CHCHD6: variants seen among roughly 807,000 people sequenced by gnomAD.
The protein encoded by CHCHD6 is MICOS complex subunit MIC25.
A neutral mutation model predicts 32.3 loss-of-function variants in CHCHD6; 28 were observed. The observed-to-expected ratio is 0.87, with a 90% CI of 0.64 to 1.19. The LOEUF is 1.19. Ranked by LOEUF, CHCHD6 falls within the 50% of genes most tolerant of loss-of-function variation. The pLI is 0.00. For synonymous variants in CHCHD6, 122 were observed against 117.5 expected, an observed-to-expected ratio of 1.04 and a Z score of -0.25; for missense variants, 333 against 307.0, an observed-to-expected ratio of 1.08 and a Z score of -0.63.
At chr3:126,806,442 A>G (rs1221395020) in intron 4 of CHCHD6, among the ~76,000 whole-genome samples, 3 of 152,084 alleles carry the variant, frequency 2.0e-5, no homozygotes, top group Admixed American at 6.5e-5. Context: ...AAGACACATG[A>G]AAAAATGCTC....
At chr3:126,826,566 G>T (rs1187089852) in intron 4 of CHCHD6, among the ~76,000 whole-genome samples, 1 of 152,102 alleles carries the variant, frequency 6.6e-6, no homozygotes, top group African/African-American at 2.4e-5. Flanking sequence ...TAGGCTCTCT[G>T]TGTGTGTTAT....
chr3:126,860,653 A>G (rs1411692199), intron 5 of CHCHD6, among the ~76,000 whole-genome samples: 1 of 152,248 alleles, frequency 6.6e-6, no homozygotes, highest in East Asian at 1.9e-4. Context: ...CCAACTGGTT[A>G]GCCCATTAAC....
At chr3:126,841,752 A>AT (rs926383694) in intron 4 of CHCHD6, among the ~76,000 whole-genome samples, 14 of 149,406 alleles carry the variant, frequency 9.4e-5, no homozygotes, top group African/African-American at 1.5e-4. Context: ...AAAAAAAAAA[A>AT]TTTTTTTTTT....
At chr3:126,835,418 C>G (rs540460849) in intron 4 of CHCHD6, among the ~76,000 whole-genome samples, 2 of 152,184 alleles carry the variant, frequency 1.3e-5, no homozygotes, top group Non-Finnish European at 2.9e-5. Flanking sequence ...CACGGCTCTC[C>G]AGAGAACCTT....
chr3:126,865,538 C>T (rs941098927), intron 5 of CHCHD6: 4 of 984,176 alleles, frequency 4.1e-6, no homozygotes, highest in East Asian at 1.1e-4. Flanking sequence ...ATAACCTCCT[C>T]CTCCACGTCC....
Position 126,904,420 on chromosome 3 carries a change from C to T in CHCHD6, c.496-10260C>T, listed in dbSNP as rs115800252. On this transcript the variant is annotated intron_variant, in intron 5 of 7. Transcript: ENST00000290913. ...TGAGAAATATTTCTGGGATGATGCT[C>T]AGCACTCCCCCAAAGACTGATGGCT... 7.9e-3 allele frequency among the ~76,000 whole-genome samples: 1,205 copies of T among 152,330 alleles called. 6 individuals carry two copies. Among genetic ancestry groups the T allele is most frequent in the Non-Finnish European group, 0.012 (838 of 68,024 alleles).
intron 7 of CHCHD6, among the ~76,000 whole-genome samples, chr3:126,959,091 C>T (rs956974162): frequency 1.3e-5 from 2 of 152,234 alleles, no homozygotes; most frequent in Admixed American, 1.3e-4. Context: ...TACCCACCAC[C>T]CCTAAGAGTA....
chr3:126,727,177 C>T lies in CHCHD6; in HGVS notation c.187C>T (p.Pro63Ser), dbSNP rs774176259. ...CCTTCAAGATGGCAACTTGAGAGCC[C>T]CTCACAAAGGTATGGGGATTGTGAC... ...FGLQDGNLRAPHKESTLPRSG... is the reference protein window; with the variant it reads ...FGLQDGNLRASHKESTLPRSG... The change falls in exon 2 of 8, where the codon CCT becomes TCT. Residue 63 changes from proline to serine, a missense_variant. Transcript: ENST00000290913. The T allele has an allele frequency of 6.2e-7, 1 of 1,605,640 alleles. No individual in the cohort carries two copies. Among genetic ancestry groups the T allele is most frequent in the Non-Finnish European group, 8.5e-7 (1 of 1,172,374 alleles).
At chr3:126,914,565 G>T in intron 5 of CHCHD6, 115 bp from the exon 6 acceptor site, 1 of 725,134 alleles carries the variant, frequency 1.4e-6, no homozygotes, top group Non-Finnish European at 2.5e-6. Context: ...TTACCAGTCG[G>T]CTTTGATGCC....
At chr3:126,886,134 A>G (rs1026892164) in intron 5 of CHCHD6, among the ~76,000 whole-genome samples, 1 of 152,222 alleles carries the variant, frequency 6.6e-6, no homozygotes, top group Non-Finnish European at 1.5e-5. Context: ...TGCAAAACAC[A>G]CTTGAATTTA....
At chr3:126,919,481 CT>C (rs1346541467) in intron 6 of CHCHD6, among the ~76,000 whole-genome samples, 1 of 151,646 alleles carries the variant, frequency 6.6e-6, no homozygotes, top group Non-Finnish European at 1.5e-5. Context: ...ATTCGGCTAA[CT>C]TTTTAAATTT....
At chr3:126,875,831 G>T (rs997707633) in intron 5 of CHCHD6, among the ~76,000 whole-genome samples, 3 of 152,178 alleles carry the variant, frequency 2.0e-5, no homozygotes, top group African/African-American at 7.2e-5. Flanking sequence ...ATCACATCCT[G>T]TCACATGTTC....
chr3:126,801,719 C>G (rs1350946757), intron 4 of CHCHD6, among the ~76,000 whole-genome samples: 1 of 152,202 alleles, frequency 6.6e-6, no homozygotes, highest in Non-Finnish European at 1.5e-5. Context: ...GTGGTTCTCC[C>G]AGCACGCAGC....
chr3:126,723,622 C>G (rs1317198472), intron 1 of CHCHD6, among the ~76,000 whole-genome samples: 3 of 151,982 alleles, frequency 2.0e-5, no homozygotes. Context: ...GTGTATTCTA[C>G]CTTGTTCTTT....
At chr3:126,856,761 G>A (rs1941678856) in intron 5 of CHCHD6, among the ~76,000 whole-genome samples, 1 of 152,212 alleles carries the variant, frequency 6.6e-6, no homozygotes, top group Admixed American at 6.5e-5. Context: ...ACTTGTGGCT[G>A]GCCAAGCCCT....
intron 5 of CHCHD6, among the ~76,000 whole-genome samples, chr3:126,867,856 C>T (rs945823639): frequency 2.6e-5 from 4 of 152,200 alleles, no homozygotes; most frequent in South Asian, 2.1e-4. Context: ...GAAGCTAAAA[C>T]CTCCTCCACC....
At chr3:126,770,294 C>T (rs1937520526) in intron 4 of CHCHD6, among the ~76,000 whole-genome samples, 1 of 152,168 alleles carries the variant, frequency 6.6e-6, no homozygotes, top group Non-Finnish European at 1.5e-5. Flanking sequence ...AATTTGACTT[C>T]CTCTTTTCCT....
chr3:126,921,963 A>G (rs2078255714), intron 6 of CHCHD6, among the ~76,000 whole-genome samples: 1 of 152,226 alleles, frequency 6.6e-6, no homozygotes, highest in African/African-American at 2.4e-5. Context: ...TCCAGATAAC[A>G]TTCGTCTTAG....
chr3:126,758,940 A>G lies in CHCHD6; in HGVS notation c.411+25718A>G, dbSNP rs551349913. On this transcript the variant is annotated intron_variant, in intron 4 of 7. Transcript: ENST00000290913. ...GTAAATGGTCAGTACCCTTCCTGGA[A>G]TAAGTCTTCACTTTTTGTGCTCTGC... is the stretch of plus-strand genomic sequence containing the variant. Among the ~76,000 whole-genome samples, 3 of 152,330 alleles carry G rather than the reference A, an allele frequency of 2.0e-5. No individual in the cohort carries two copies. In the East Asian group the frequency reaches 5.8e-4, roughly 29 times the overall value.
Sources: allele counts gnomAD v4.1 joint callset (sites outside exome capture counted in the v4.1 genomes callset), GRCh38; gene constraint gnomAD v4.1.1; transcripts MANE v1.5; gene names NCBI Gene and HGNC (gene_info 2026-07-23, HGNC 2026-07-21).